Variants in SETBP1 observed in about 807,000 individuals in gnomAD.
SETBP1 encodes the protein SET binding protein 1, also known as SET-binding protein.
SETBP1 carries 9 observed loss-of-function variants against 101.0 expected under a neutral mutation model. The ratio of observed to expected loss-of-function variants is 0.09; its 90% CI spans 0.05 to 0.16. The LOEUF (loss-of-function observed/expected upper bound fraction) is 0.16, where lower values mean the gene tolerates loss of function less well. Among genes scored for constraint, SETBP1 ranks in the 10% least tolerant of loss-of-function variants. SETBP1 has a pLI of 1.00. For missense variants in SETBP1, 1,858 were observed against 2,033.8 expected (o/e 0.91, Z 1.66); for synonymous variants, 818 against 788.5 (o/e 1.04, Z -0.63).
intron 4 of SETBP1, among the ~76,000 whole-genome samples, chr18:44,976,193 T>C (rs2071984465): frequency 6.6e-6 from 1 of 151,750 alleles, no homozygotes; most frequent in Non-Finnish European, 1.5e-5. Context: ...GCCCAGGAAA[T>C]GTGCTGGAGC....
chr18:44,982,535 G>A (rs1006267997), intron 4 of SETBP1, among the ~76,000 whole-genome samples: 3 of 152,172 alleles, frequency 2.0e-5, no homozygotes, highest in Non-Finnish European at 2.9e-5. Flanking sequence ...ATTCAATCAA[G>A]CAAGAGCATA....
chr18:44,711,976 C>A (rs2069358017), intron 2 of SETBP1, among the ~76,000 whole-genome samples: 1 of 152,206 alleles, frequency 6.6e-6, no homozygotes, highest in South Asian at 2.1e-4. Flanking sequence ...TCCCTGCCTG[C>A]CCCTTCTTCC....
chr18:44,761,301 T>C (rs1194240445), intron 2 of SETBP1, among the ~76,000 whole-genome samples: 1 of 152,218 alleles, frequency 6.6e-6, no homozygotes, highest in Non-Finnish European at 1.5e-5. Context: ...CTAGCTATCT[T>C]GAACTATACA....
intron 1 of SETBP1, chr18:44,697,247 A>G (rs2069034207): frequency 6.6e-6 from 1 of 152,296 alleles, no homozygotes; most frequent in East Asian, 1.9e-4. Flanking sequence ...CAGACTCACC[A>G]AAAAATTGAG....
At chr18:44,974,588 C>G (rs1441186689) in intron 4 of SETBP1, among the ~76,000 whole-genome samples, 3 of 152,196 alleles carry the variant, frequency 2.0e-5, no homozygotes, top group Admixed American at 1.3e-4. Context: ...CCCCAAATGA[C>G]TGATGTGGAC....
intron 2 of SETBP1, among the ~76,000 whole-genome samples, chr18:44,777,831 G>C (rs1326852060): frequency 2.0e-5 from 3 of 152,230 alleles, no homozygotes; most frequent in Non-Finnish European, 4.4e-5. Flanking sequence ...TGGGGCCAAT[G>C]ATAAAAGTCT....
At chr18:44,792,937 A>G (rs2071398104) in intron 2 of SETBP1, among the ~76,000 whole-genome samples, 1 of 152,080 alleles carries the variant, frequency 6.6e-6, no homozygotes, top group Non-Finnish European at 1.5e-5. Context: ...TGTTATATTT[A>G]GAAACTACCC....
intron 4 of SETBP1, among the ~76,000 whole-genome samples, chr18:44,970,898 G>A (rs1303089756): frequency 6.6e-6 from 1 of 151,892 alleles, no homozygotes; most frequent in East Asian, 1.9e-4. Flanking sequence ...TTAAGTATTA[G>A]GGTACATGTG....
At chr18:44,962,326 G>A (rs898205915) in intron 4 of SETBP1, among the ~76,000 whole-genome samples, 1 of 152,176 alleles carries the variant, frequency 6.6e-6, no homozygotes, top group Non-Finnish European at 1.5e-5. Flanking sequence ...TTGGCTAGAT[G>A]GAAGTTAGCA....
intron 2 of SETBP1, among the ~76,000 whole-genome samples, chr18:44,857,510 G>A (rs1158334708): frequency 2.0e-5 from 3 of 151,666 alleles, no homozygotes; most frequent in African/African-American, 7.3e-5. Context: ...ATTGCTGAGT[G>A]TGTCTGCAAA....
chr18:44,696,080 T>C (rs1212514883), intron 1 of SETBP1, among the ~76,000 whole-genome samples: 2 of 152,106 alleles, frequency 1.3e-5, no homozygotes, highest in Non-Finnish European at 2.9e-5. Flanking sequence ...GGGAGGTGAA[T>C]AAATGATGCT....
chr18:44,878,519 A>T (rs1004840352), intron 3 of SETBP1, among the ~76,000 whole-genome samples: 4 of 152,186 alleles, frequency 2.6e-5, no homozygotes, highest in African/African-American at 7.2e-5. Context: ...TGTTAGTATG[A>T]TACATGACTG....
intron 3 of SETBP1, among the ~76,000 whole-genome samples, chr18:44,926,514 C>G (rs981823814): frequency 6.6e-6 from 1 of 152,174 alleles, no homozygotes; most frequent in African/African-American, 2.4e-5. Flanking sequence ...GCCCTCCCAG[C>G]TTCCTCGTGC....
At chr18:44,938,477 G>A (rs543451801) in intron 3 of SETBP1, among the ~76,000 whole-genome samples, 4 of 152,344 alleles carry the variant, frequency 2.6e-5, no homozygotes, top group African/African-American at 7.2e-5. Context: ...TAAAATCACA[G>A]CAGACAGCAA....
chr18:45,022,342 T>G (rs531631197), intron 4 of SETBP1, among the ~76,000 whole-genome samples: 1 of 152,334 alleles, frequency 6.6e-6, no homozygotes, highest in South Asian at 2.1e-4. Flanking sequence ...TGTTGTGTGC[T>G]TCATGCCTTT....
In SETBP1 at chr18:44,975,082, G is replaced by A. The variant is rs549176009; in HGVS notation, c.4000+21742G>A. Among the ~76,000 whole-genome samples, 3 of 152,324 alleles carry A rather than the reference G, an allele frequency of 2.0e-5. No homozygotes were observed. In the South Asian group the frequency reaches 6.2e-4, roughly 32 times the overall value. On this transcript the variant is annotated intron_variant, in intron 4 of 5. Transcript: ENST00000649279. ...ACACAAGGTGTGTAAAGATCAGTAA[G>A]GGGTACAAAGATATGATTAGAAATT...
At chr18:44,759,327 T>G (rs2070583742) in intron 2 of SETBP1, among the ~76,000 whole-genome samples, 1 of 152,190 alleles carries the variant, frequency 6.6e-6, no homozygotes, top group Admixed American at 6.5e-5. Context: ...CCAAGAATTG[T>G]GGCGTCTGCG....
intron 4 of SETBP1, among the ~76,000 whole-genome samples, chr18:44,996,562 G>C (rs2145312765): frequency 6.6e-6 from 1 of 152,340 alleles, no homozygotes; most frequent in East Asian, 1.9e-4. Context: ...CTGCTAAACT[G>C]ACTCTCAGAA....
chr18:44,718,519 C>T (rs2069516247), intron 2 of SETBP1, among the ~76,000 whole-genome samples: 1 of 152,142 alleles, frequency 6.6e-6, no homozygotes, highest in Admixed American at 6.5e-5. Context: ...ACCAGGATGG[C>T]CCTGCTGATG....
Sources: gnomAD v4.1 joint callset for allele counts (sites outside exome capture counted in the v4.1 genomes callset) on GRCh38, gnomAD v4.1.1 for gene constraint, MANE v1.5 for transcripts, NCBI Gene and HGNC (gene_info 2026-07-23, HGNC 2026-07-21) for gene names.